Variants in ADK observed in about 807,000 individuals in gnomAD.
ADK encodes the protein adenosine kinase, also known as N6,N6-dimethyladenosine kinase.
Under a neutral mutation model 44.7 loss-of-function variants are expected in ADK, and 24 were observed. That is an observed-to-expected ratio of 0.54 (90% CI 0.39 to 0.76). ADK has a LOEUF of 0.76. Ranked by LOEUF, ADK falls within the 30% of genes least tolerant of loss-of-function variation. ADK has a pLI of 0.00. For synonymous variants in ADK, 128 were observed against 142.6 expected (o/e 0.90, Z 0.73); for missense variants, 321 against 425.1 (o/e 0.76, Z 2.15).
rs35949478 is a variant in ADK at position 74,427,727 on chromosome 10, A to ATGTGTG, written c.555+29173_555+29178dup. Among the ~76,000 whole-genome samples the ATGTGTG allele has an allele frequency of 2.3e-3, 336 of 148,502 alleles. 2 individuals carry two copies. Among genetic ancestry groups the ATGTGTG allele is most frequent in the African/African-American group, 6.6e-3 (267 of 40,286 alleles). Reference sequence around the variant, plus strand: ...CATGTATTTTTGTATATGTATATGTATGTGTGTGTGTGTGTGTGTGTGTGT... The same window carrying ATGTGTG: ...CATGTATTTTTGTATATGTATATGTATGTGTGTGTGTGTGTGTGTGTGTGTGTGTGT... On this transcript the variant is annotated intron_variant, in intron 6 of 10. Transcript: ENST00000539909.
At chr10:74,427,988 A>G (rs1335813008) in intron 6 of ADK, among the ~76,000 whole-genome samples, 1 of 152,156 alleles carries the variant, frequency 6.6e-6, no homozygotes, top group Non-Finnish European at 1.5e-5. Context: ...GGGAGAACCT[A>G]TCCATACCTC....
intron 4 of ADK, among the ~76,000 whole-genome samples, chr10:74,392,125 ATGC>A (rs1843358318): frequency 6.6e-6 from 1 of 152,176 alleles, no homozygotes. Flanking sequence ...GAACATGGAC[ATGC>A]AAATATATCT....
intron 10 of ADK, among the ~76,000 whole-genome samples, chr10:74,701,553 G>A (rs527906075): frequency 6.6e-5 from 10 of 152,304 alleles, no homozygotes; most frequent in Admixed American, 1.3e-4. Context: ...CCAATGACAC[G>A]GGAGCCACCA....
chr10:74,415,428 G>A (rs1844334830), intron 6 of ADK, among the ~76,000 whole-genome samples: 1 of 152,124 alleles, frequency 6.6e-6, no homozygotes, highest in Non-Finnish European at 1.5e-5. Context: ...CTTTGAAATT[G>A]TATGTAAACT....
chr10:74,426,431 A>G (rs1844800055), intron 6 of ADK, among the ~76,000 whole-genome samples: 1 of 152,230 alleles, frequency 6.6e-6, no homozygotes, highest in African/African-American at 2.4e-5. Context: ...TATAAAAGCT[A>G]TCTGTTTTTA....
chr10:74,371,911 ACC>A, intron 4 of ADK: 1 of 1,458,578 alleles, frequency 6.9e-7, no homozygotes, highest in Non-Finnish European at 9.5e-7. Flanking sequence ...GTGGTTACTG[ACC>A]CCAGGGCTGA....
At chr10:74,290,835 C>T (rs957037846) in intron 3 of ADK, among the ~76,000 whole-genome samples, 4 of 152,006 alleles carry the variant, frequency 2.6e-5, no homozygotes, top group South Asian at 2.1e-4. Flanking sequence ...TAAAGAGAGA[C>T]ACTGAATTTT....
chr10:74,521,927 ATT>A (rs1473370562), intron 6 of ADK, among the ~76,000 whole-genome samples: 1 of 152,214 alleles, frequency 6.6e-6, no homozygotes, highest in African/African-American at 2.4e-5. Context: ...GATGAGAAAT[ATT>A]GTTATTATAC....
intron 3 of ADK, among the ~76,000 whole-genome samples, chr10:74,298,011 A>G (rs10762593): frequency 0.64 from 97,905 of 151,962 alleles, 32,879 homozygotes; most frequent in Middle Eastern, 0.8. Context: ...GCATACCTAT[A>G]TGTCAAAACA....
chr10:74,302,089 TG>T (rs1564642121), intron 3 of ADK, among the ~76,000 whole-genome samples: 45 of 53,786 alleles, frequency 8.4e-4, no homozygotes, highest in Non-Finnish European at 1.1e-3. Context: ...TTTTCTTTTC[TG>T]TTTTTTTTTT....
chr10:74,179,030 A>G (rs1240233870), intron 1 of ADK, among the ~76,000 whole-genome samples: 1 of 152,232 alleles, frequency 6.6e-6, no homozygotes, highest in Non-Finnish European at 1.5e-5. Flanking sequence ...CATGAGAGAC[A>G]ACTATAGTAA....
intron 10 of ADK, among the ~76,000 whole-genome samples, chr10:74,699,972 C>G (rs1856355972): frequency 6.6e-6 from 1 of 152,136 alleles, no homozygotes; most frequent in South Asian, 2.1e-4. Context: ...AGGAGAATCA[C>G]TAATAAAACT....
intron 3 of ADK, among the ~76,000 whole-genome samples, chr10:74,228,879 G>A (rs1372673169): frequency 6.6e-6 from 1 of 152,036 alleles, no homozygotes. Flanking sequence ...GAGTAACCTG[G>A]TATCTGAAGA....
intron 8 of ADK, among the ~76,000 whole-genome samples, chr10:74,591,180 A>G (rs1471072194): frequency 6.6e-6 from 1 of 152,116 alleles, no homozygotes; most frequent in Non-Finnish European, 1.5e-5. Context: ...GCAACAAACT[A>G]CTTTTTCTAT....
At chr10:74,664,201 T>C (rs1419976630) in intron 9 of ADK, among the ~76,000 whole-genome samples, 1 of 152,158 alleles carries the variant, frequency 6.6e-6, no homozygotes, top group Non-Finnish European at 1.5e-5. Flanking sequence ...TATGCAGCAA[T>C]AAAAAATAAT....
At chr10:74,301,276 A>C (rs1840022016) in intron 3 of ADK, among the ~76,000 whole-genome samples, 1 of 152,126 alleles carries the variant, frequency 6.6e-6, no homozygotes, top group Non-Finnish European at 1.5e-5. Flanking sequence ...GCACTTTGGG[A>C]GGCCGAGGCA....
At chr10:74,631,579 A>C (rs1369098547) in intron 9 of ADK, among the ~76,000 whole-genome samples, 1 of 151,952 alleles carries the variant, frequency 6.6e-6, no homozygotes, top group Admixed American at 6.6e-5. Context: ...TTTTTAAAAC[A>C]TGAGTACACA....
At chr10:74,158,868 A>G (rs903243923) in intron 1 of ADK, among the ~76,000 whole-genome samples, 2 of 152,198 alleles carry the variant, frequency 1.3e-5, no homozygotes, top group Non-Finnish European at 2.9e-5. Context: ...ATACCAGTAC[A>G]GTTGATGTCA....
intron 1 of ADK, among the ~76,000 whole-genome samples, chr10:74,171,816 G>A (rs918613768): frequency 8.7e-6 from 1 of 114,366 alleles, no homozygotes; most frequent in Admixed American, 9.0e-5. Flanking sequence ...CTCTCTGTGT[G>A]TGTGTGTGTG....
Sources: gnomAD v4.1 joint callset for allele counts (sites outside exome capture counted in the v4.1 genomes callset) on GRCh38, gnomAD v4.1.1 for gene constraint, MANE v1.5 for transcripts, NCBI Gene and HGNC (gene_info 2026-07-23, HGNC 2026-07-21) for gene names.